EYS: variants seen among roughly 807,000 people sequenced by gnomAD.
EYS encodes protein eyes shut homolog.
EYS carries 250 observed loss-of-function variants against 282.1 expected under a neutral mutation model. That is an observed-to-expected ratio of 0.89 (90% CI 0.80 to 0.98). The LOEUF (loss-of-function observed/expected upper bound fraction) is 0.98. Ranked by LOEUF, EYS falls within the 50% of genes least tolerant of loss-of-function variation. The pLI is 0.00. For synonymous variants in EYS, 1,355 were observed against 1,282.9 expected (o/e 1.06, Z -1.20); for missense variants, 4,016 against 3,709.0 (o/e 1.08, Z -2.15).
At chr6:65,549,165 C>T (rs1476055695) in intron 2 of EYS, among the ~76,000 whole-genome samples, 3 of 152,142 alleles carry the variant, frequency 2.0e-5, no homozygotes, top group Non-Finnish European at 4.4e-5. Context: ...GGCACTGGTC[C>T]CTGGCCCAGG....
intron 5 of EYS, among the ~76,000 whole-genome samples, chr6:65,482,734 G>A (rs1156747040): frequency 6.6e-6 from 1 of 152,112 alleles, no homozygotes; most frequent in African/African-American, 2.4e-5. Flanking sequence ...TGTCCAAAAT[G>A]GTAGCTGAAG....
intron 26 of EYS, among the ~76,000 whole-genome samples, chr6:64,463,705 G>T (rs1462485738): frequency 2.0e-5 from 3 of 152,030 alleles, no homozygotes; most frequent in Non-Finnish European, 2.9e-5. Context: ...TCAAATAAAT[G>T]AAATCAAAAA....
chr6:64,313,407 T>C (rs886450944), intron 29 of EYS, among the ~76,000 whole-genome samples: 4 of 152,118 alleles, frequency 2.6e-5, no homozygotes, highest in African/African-American at 9.7e-5. Flanking sequence ...CTAGGTTTGA[T>C]TGTTGTACCT....
At chr6:64,081,817 G>T (rs751943023) in intron 32 of EYS, 39 bp downstream of exon 32, 2 of 1,398,870 alleles carry the variant, frequency 1.4e-6, no homozygotes, top group East Asian at 5.2e-5. Context: ...GTTTGAGAAA[G>T]AAACATGACA....
At chr6:64,284,941 G>T (rs531593473) in intron 30 of EYS, among the ~76,000 whole-genome samples, 1 of 152,216 alleles carries the variant, frequency 6.6e-6, no homozygotes, top group South Asian at 2.1e-4. Flanking sequence ...TAGACCTCTG[G>T]GCCTGTGATG....
At chr6:63,916,751 CTT>C (rs1764432789) in intron 35 of EYS, among the ~76,000 whole-genome samples, 2 of 152,256 alleles carry the variant, frequency 1.3e-5, no homozygotes, top group Non-Finnish European at 2.9e-5. Flanking sequence ...CTTTTTCTCT[CTT>C]GTTATGTCCG....
chr6:65,208,322 GAGA>G (rs373433870), intron 12 of EYS, among the ~76,000 whole-genome samples: 34 of 151,958 alleles, frequency 2.2e-4, no homozygotes, highest in South Asian at 8.3e-4. Flanking sequence ...AGGATGTGGA[GAGA>G]AGAAGGGAAC....
intron 19 of EYS, among the ~76,000 whole-genome samples, chr6:64,863,364 T>C (rs1488659926): frequency 1.3e-4 from 20 of 152,174 alleles, no homozygotes; most frequent in Admixed American, 1.3e-3. Flanking sequence ...ATTTTTGCAA[T>C]ATCTGTTTTA....
chr6:65,543,059 C>T (rs1386308062), intron 2 of EYS, among the ~76,000 whole-genome samples: 1 of 152,114 alleles, frequency 6.6e-6, no homozygotes, highest in African/African-American at 2.4e-5. Context: ...CAGTCTTTCA[C>T]CCAGGCTGGA....
At chr6:65,008,836 C>T (rs972960852) in intron 13 of EYS, among the ~76,000 whole-genome samples, 19 of 152,212 alleles carry the variant, frequency 1.2e-4, no homozygotes, top group Admixed American at 3.9e-4. Flanking sequence ...TCCTGGACAC[C>T]GGTGCGGCCT....
chr6:65,202,550 T>A (rs1765927896), intron 12 of EYS, among the ~76,000 whole-genome samples: 1 of 152,040 alleles, frequency 6.6e-6, no homozygotes, highest in African/African-American at 2.4e-5. Flanking sequence ...CAGTTTGGGA[T>A]GTATGAAGAT....
chr6:65,149,892 C>G (rs754708930), intron 12 of EYS, among the ~76,000 whole-genome samples: 1 of 152,126 alleles, frequency 6.6e-6, no homozygotes, highest in African/African-American at 2.4e-5. Flanking sequence ...CACAGTTACA[C>G]ATGGCTGGGG....
chr6:63,876,079 G>T (rs1408262382), intron 35 of EYS, among the ~76,000 whole-genome samples: 4 of 152,094 alleles, frequency 2.6e-5, no homozygotes, highest in Non-Finnish European at 5.9e-5. Flanking sequence ...GTCAATTTTA[G>T]ATCTTTCCTG....
intron 24 of EYS, among the ~76,000 whole-genome samples, chr6:64,603,861 CTGTGTGTGTGTGTG>C (rs34430318): frequency 3.4e-5 from 5 of 148,288 alleles, no homozygotes; most frequent in Admixed American, 6.8e-5. Context: ...AAATGAATAC[CTGTGTGTGTGTGTG>C]TGTGTGTGTG....
At chr6:63,889,454 G>A (rs1269386223) in intron 35 of EYS, among the ~76,000 whole-genome samples, 1 of 152,112 alleles carries the variant, frequency 6.6e-6, no homozygotes, top group Non-Finnish European at 1.5e-5. Flanking sequence ...CCAGAAGAGT[G>A]GGTGTCAATA....
At chr6:64,844,680 G>C (rs1281462011) in intron 19 of EYS, among the ~76,000 whole-genome samples, 2 of 151,998 alleles carry the variant, frequency 1.3e-5, no homozygotes, top group African/African-American at 4.8e-5. Flanking sequence ...ATTTCATTTG[G>C]ACAAACTCAA....
intron 26 of EYS, among the ~76,000 whole-genome samples, chr6:64,569,602 G>A (rs1035427954): frequency 5.0e-4 from 76 of 152,096 alleles, no homozygotes; most frequent in African/African-American, 1.7e-3. Flanking sequence ...TTAGCCAGGC[G>A]TGGTGGTGGG....
At chr6:65,394,972 C>A (rs1468632089) in intron 7 of EYS, among the ~76,000 whole-genome samples, 1 of 152,118 alleles carries the variant, frequency 6.6e-6, no homozygotes, top group Non-Finnish European at 1.5e-5. Context: ...ATAGTCATAG[C>A]CAACCTTCCT....
intron 12 of EYS, among the ~76,000 whole-genome samples, chr6:65,138,722 T>C (rs1416104188): frequency 6.6e-6 from 1 of 152,056 alleles, no homozygotes; most frequent in Non-Finnish European, 1.5e-5. Flanking sequence ...CCCAAATGCC[T>C]GCTTTAACCA....
Sources: gnomAD v4.1 joint callset for allele counts (sites outside exome capture counted in the v4.1 genomes callset) on GRCh38, gnomAD v4.1.1 for gene constraint, MANE v1.5 for transcripts, NCBI Gene and HGNC (gene_info 2026-07-23, HGNC 2026-07-21) for gene names.